The following TAB1 variants were observed in gnomAD, a reference collection of about 807,000 sequenced individuals.
TAB1 encodes TGF-beta-activated kinase 1 and MAP3K7-binding protein 1.
A neutral mutation model predicts 54.5 loss-of-function variants in TAB1; 30 were observed. The ratio of observed to expected loss-of-function variants is 0.55; its 90% CI spans 0.41 to 0.75. The LOEUF is 0.75. Among genes scored for constraint, TAB1 ranks in the 30% least tolerant of loss-of-function variants. TAB1 has a pLI of 0.00. For missense variants in TAB1, 609 were observed against 683.2 expected (o/e 0.89, Z 1.21); for synonymous variants, 289 against 286.9 (o/e 1.01, Z -0.07).
At chr22:39,414,545 G>C (rs1926740278) in intron 1 of TAB1, among the ~76,000 whole-genome samples, 1 of 150,884 alleles carries the variant, frequency 6.6e-6, no homozygotes, top group South Asian at 2.1e-4. Flanking sequence ...GGCCTGCACT[G>C]CAGATGTCCC....
intron 1 of TAB1, among the ~76,000 whole-genome samples, chr22:39,405,173 G>A (rs2145654896): frequency 6.6e-6 from 1 of 152,328 alleles, no homozygotes; most frequent in Non-Finnish European, 1.5e-5. Context: ...ATGAGTCTGT[G>A]TGGGTACTTT....
Position 39,429,145 on chromosome 22 carries a change from G to T in TAB1, c.1308-870G>T. ...TCCTTTCAGCGTCTGAGCCATAGTTGGTCCCACCATGGGCTGGCCCTGTGC... is the reference window on the plus strand; with the variant it reads ...TCCTTTCAGCGTCTGAGCCATAGTTTGTCCCACCATGGGCTGGCCCTGTGC... On this transcript the variant is annotated intron_variant, in intron 10 of 10. Transcript: ENST00000216160. 3.0e-6 allele frequency: 3 copies of T among 985,468 alleles called. No homozygotes were observed. The South Asian group carries it at 1.4e-4, about 46-fold the overall frequency. The allele number at this position is 985,468 out of a possible 1,614,324, so 61.0% of individuals were successfully genotyped here.
chr22:39,419,038 C>A (rs1569198432), intron 6 of TAB1, among the ~76,000 whole-genome samples, 193 bp downstream of exon 6: 1 of 152,202 alleles, frequency 6.6e-6, no homozygotes, highest in Admixed American at 6.5e-5. Context: ...TGCCTCAGAT[C>A]CCCCGCTGTG....
chr22:39,433,992 T>C (rs1177767909), downstream of TAB1, among the ~76,000 whole-genome samples: 1 of 151,988 alleles, frequency 6.6e-6, no homozygotes, highest in Admixed American at 6.6e-5. Context: ...TTCTCTCTTA[T>C]TCCACTAGGT....
downstream of TAB1, chr22:39,433,654 AGCAGAGCCAGGAGCGGAGCT>A (rs1927672121): frequency 1.0e-6 from 1 of 985,428 alleles, no homozygotes; most frequent in Non-Finnish European, 1.2e-6. Context: ...GGGAGCTGGC[AGCAGAGCCAGGAGCGGAGCT>A]GCAGAGCAGG....
At chr22:39,429,380 G>A (rs187554266) in intron 10 of TAB1, 2 of 985,390 alleles carry the variant, frequency 2.0e-6, no homozygotes, top group African/African-American at 3.5e-5. Context: ...TTCACCCGAG[G>A]AACTTCCTGT....
At chr22:39,431,982 G>A, downstream of TAB1, 1 of 632,394 alleles carries the variant, frequency 1.6e-6, no homozygotes, top group Non-Finnish European at 2.0e-6. Context: ...GGCTCGCCAG[G>A]CTGCTAAGTG....
At chr22:39,436,225 G>A (rs1011033664), downstream of TAB1, among the ~76,000 whole-genome samples, 1 of 152,110 alleles carries the variant, frequency 6.6e-6, no homozygotes, top group African/African-American at 2.4e-5. Flanking sequence ...CCCTGGAGGC[G>A]GAGGTTGCAG....
At chr22:39,428,689 C>A (rs1927456917) in intron 10 of TAB1, among the ~76,000 whole-genome samples, 1 of 152,176 alleles carries the variant, frequency 6.6e-6, no homozygotes, top group Admixed American at 6.5e-5. Context: ...TACACCCCAC[C>A]CCCTTCACTT....
downstream of TAB1, among the ~76,000 whole-genome samples, chr22:39,434,261 G>A (rs1927702649): frequency 6.6e-6 from 1 of 152,264 alleles, no homozygotes; most frequent in Non-Finnish European, 1.5e-5. Context: ...TCCACCACAC[G>A]CCTATGGGCA....
chr22:39,435,531 G>A (rs1162450557), downstream of TAB1, among the ~76,000 whole-genome samples: 1 of 152,154 alleles, frequency 6.6e-6, no homozygotes, highest in African/African-American at 2.4e-5. Context: ...TTACAGATGT[G>A]GAAAAGCAAG....
downstream of TAB1, chr22:39,436,693 G>C: frequency 6.6e-6 from 5 of 754,000 alleles, no homozygotes; most frequent in Non-Finnish European, 1.1e-5. Flanking sequence ...CCCTCCCCGG[G>C]ACTGGGCAGA....
In TAB1 at chr22:39,421,619, T is replaced by G. The variant is rs542961541; in HGVS notation, c.777-208T>G. 1.4e-3 allele frequency: 840 copies of G among 592,208 alleles called. 1 individual carries two copies. The highest frequency in any genetic ancestry group is 5.4e-3 in the Middle Eastern group (12 of 2,236). The allele number at this position is 592,208 out of a possible 1,614,324, so 36.7% of individuals were successfully genotyped here. ...CATCCTGACCTCAGCTGCCTGCCAG[T>G]TTTTATGGCCTTCCAAGCTTTATTT... On this transcript the variant is annotated intron_variant, in intron 7 of 10. Coordinates refer to ENST00000216160, the MANE Select transcript of TAB1 (RefSeq NM_006116.3).
At position 39,431,136 on chromosome 22, in the gene TAB1, G is replaced by A; in HGVS notation, c.*914G>A. 2 of 985,866 alleles carry A rather than the reference G, an allele frequency of 2.0e-6. No individual in the cohort carries two copies. The highest frequency in any genetic ancestry group is 2.4e-6 in the Non-Finnish European group (2 of 830,284). 61.1% of individuals were successfully genotyped at this position (985,866 alleles called of 1,614,324 possible). ...GCAGGGGTTGTGAGTCAGGCTGGGG[G>A]ACTTGTTTGAAAGAAAGAGGAGTGG... On this transcript the variant is annotated 3_prime_UTR_variant, in exon 11 of 11. Coordinates refer to ENST00000216160, the MANE Select transcript of TAB1 (RefSeq NM_006116.3).
At chr22:39,431,903 C>T, downstream of TAB1, 1 of 984,810 alleles carries the variant, frequency 1.0e-6, no homozygotes, top group Non-Finnish European at 1.2e-6. Flanking sequence ...GCTCATGTTT[C>T]CTGTAACTCG....
At position 39,415,541 on chromosome 22, in the gene TAB1, A is replaced by C; in HGVS notation, c.212A>C (p.Tyr71Ser). 6.2e-7 allele frequency: 1 copy of C among 1,614,226 alleles called. No homozygotes were observed. Among genetic ancestry groups the C allele is most frequent in the Non-Finnish European group, 8.5e-7 (1 of 1,180,032 alleles). The change falls in exon 3 of 11, where the codon TAT becomes TCT. Residue 71 changes from tyrosine to serine, a missense_variant. Coordinates refer to ENST00000216160, the MANE Select transcript of TAB1 (RefSeq NM_006116.3). This position sits in a 1 kb window ranked among gnomAD's most constrained non-coding sequence, Gnocchi z 4.9. ...TTCCTGTATGGGGTCTTCAACGGCT[A>C]TGATGGCAACCGAGTGACCAACTTC... ...NCFLYGVFNG[Y>S]DGNRVTNFVA...
At chr22:39,413,359 T>A (rs1025059786) in intron 1 of TAB1, among the ~76,000 whole-genome samples, 1 of 152,206 alleles carries the variant, frequency 6.6e-6, no homozygotes, top group African/African-American at 2.4e-5. Flanking sequence ...CTCTATTTCT[T>A]TCTCTTATCT....
intron 1 of TAB1, among the ~76,000 whole-genome samples, chr22:39,411,051 A>G (rs1601686832): frequency 2.0e-5 from 3 of 152,210 alleles, no homozygotes; most frequent in Admixed American, 6.5e-5. Context: ...ACACAATTCA[A>G]TGGAGAAAAG....
Position 39,415,674 on chromosome 22 carries a change from A to G in TAB1, c.324+21A>G, listed in dbSNP as rs759700998. ...TGCAGGTAATGGTGCCGGGGCCAAC[A>G]GTGACCCAGCCACATCATGTCCCCC... On this transcript the variant is annotated intron_variant, in intron 3 of 10. Coordinates refer to ENST00000216160, the MANE Select transcript of TAB1 (RefSeq NM_006116.3). The surrounding 1 kb of genome is among the most constrained non-coding windows in gnomAD (Gnocchi z 4.9). The G allele has an allele frequency of 8.8e-6, 14 of 1,598,626 alleles. No homozygotes were observed. The South Asian group carries it at 1.4e-4, about 16-fold the overall frequency.
Sources: gnomAD v4.1 joint callset for allele counts (sites outside exome capture counted in the v4.1 genomes callset) on GRCh38, gnomAD v4.1.1 for gene constraint, Gnocchi (gnomAD v3.1) non-coding constraint, MANE v1.5 for transcripts, NCBI Gene and HGNC (gene_info 2026-07-23, HGNC 2026-07-21) for gene names.